PRKN: variants seen among roughly 807,000 people sequenced by gnomAD.
PRKN encodes parkin RBR E3 ubiquitin protein ligase, also known as E3 ubiquitin-protein ligase parkin.
Under a neutral mutation model 59.5 loss-of-function variants are expected in PRKN, and 56 were observed. The observed-to-expected ratio is 0.94, with a 90% confidence interval of 0.76 to 1.18. The LOEUF is 1.18. Among genes scored for constraint, PRKN ranks in the 50% most tolerant of loss-of-function variants. The pLI is 0.00. For missense variants in PRKN, 657 were observed against 596.4 expected, an observed-to-expected ratio of 1.10 and a Z score of -1.06; for synonymous variants, 250 against 222.1, an observed-to-expected ratio of 1.13 and a Z score of -1.12.
chr6:162,349,426 C>T (rs1784534867), intron 2 of PRKN, among the ~76,000 whole-genome samples: 1 of 152,114 alleles, frequency 6.6e-6, no homozygotes, highest in Admixed American at 6.5e-5. Flanking sequence ...GAGATCGCGC[C>T]ACTGCACTCC....
At chr6:162,574,113 TGGC>T (rs972444407) in intron 1 of PRKN, among the ~76,000 whole-genome samples, 1 of 152,124 alleles carries the variant, frequency 6.6e-6, no homozygotes, top group African/African-American at 2.4e-5. Flanking sequence ...ATCTCAACAG[TGGC>T]GGGGCTGCTG....
chr6:162,045,773 C>T (rs533515277), intron 5 of PRKN, among the ~76,000 whole-genome samples: 12 of 152,288 alleles, frequency 7.9e-5, no homozygotes, highest in Admixed American at 2.0e-4. Flanking sequence ...GGCTGTTTCC[C>T]GGCCGAGAAG....
chr6:161,841,071 T>C (rs1363279623), intron 6 of PRKN, among the ~76,000 whole-genome samples: 1 of 152,342 alleles, frequency 6.6e-6, no homozygotes, highest in East Asian at 1.9e-4. Flanking sequence ...TTACTGTGTG[T>C]ATACCAAAAG....
At chr6:162,198,136 G>T (rs1314024131) in intron 4 of PRKN, among the ~76,000 whole-genome samples, 1 of 152,196 alleles carries the variant, frequency 6.6e-6, no homozygotes, top group African/African-American at 2.4e-5. Context: ...ATGATATGCA[G>T]AGCAGAAAAC....
rs186017833 is a variant in PRKN, at chr6:162,704,063, G to C, written c.7+23599C>G. ...AGGAGATGCACAATTTGGACACTTA[G>C]ACAAACATTCTTGACCTGGTACCCG... is the stretch of plus-strand genomic sequence containing the variant. On this transcript the variant is annotated intron_variant, in intron 1 of 11. Coordinates refer to ENST00000366898, the MANE Select transcript of PRKN (RefSeq NM_004562.3). Among the ~76,000 whole-genome samples the C allele has an allele frequency of 2.0e-5, 3 of 152,260 alleles. No homozygotes were observed. In the East Asian group the frequency reaches 5.8e-4, roughly 29 times the overall value.
At chr6:162,473,622 A>G (rs941825306) in intron 1 of PRKN, among the ~76,000 whole-genome samples, 1 of 152,232 alleles carries the variant, frequency 6.6e-6, no homozygotes, top group African/African-American at 2.4e-5. Flanking sequence ...TCAACAAATA[A>G]TCAATATAGG....
chr6:162,687,328 G>C lies in PRKN; in HGVS notation c.7+40334C>G, dbSNP rs1292456452. On this transcript the variant is annotated intron_variant, in intron 1 of 11. Transcript: ENST00000366898. ...AGCCTCCCGAGTAGCTGGGACTACAGGTGCTCACCACCACACCCGGCTAAT... is the reference window on the plus strand; with the variant it reads ...AGCCTCCCGAGTAGCTGGGACTACACGTGCTCACCACCACACCCGGCTAAT... Among the ~76,000 whole-genome samples, 5 of 151,806 alleles carry C rather than the reference G, an allele frequency of 3.3e-5. No homozygotes were observed. The East Asian group carries it at 9.7e-4, about 29-fold the overall frequency.
chr6:162,143,772 T>C lies in PRKN; in HGVS notation c.534+57359A>G, dbSNP rs762882975. Among the ~76,000 whole-genome samples the C allele has an allele frequency of 7.9e-5, 12 of 152,150 alleles. 1 individual carries two copies. Among genetic ancestry groups the C allele is most frequent in the Non-Finnish European group, 1.3e-4 (9 of 68,034 alleles). ...GTCTGCATGGGTTTCTTAGAGGTGATGAAGCTTGAATTGAGTCTTGAAAAA... is the reference window on the plus strand; with the variant it reads ...GTCTGCATGGGTTTCTTAGAGGTGACGAAGCTTGAATTGAGTCTTGAAAAA... On this transcript the variant is annotated intron_variant, in intron 4 of 11. Coordinates refer to ENST00000366898, the MANE Select transcript of PRKN (RefSeq NM_004562.3).
intron 9 of PRKN, among the ~76,000 whole-genome samples, chr6:161,477,161 A>G (rs377130758): frequency 9.9e-5 from 15 of 152,218 alleles, no homozygotes; most frequent in African/African-American, 3.6e-4. Context: ...CTTTAAAAGT[A>G]TTAAAAACAT....
At chr6:162,436,613 C>A (rs1789784746) in intron 2 of PRKN, among the ~76,000 whole-genome samples, 2 of 139,296 alleles carry the variant, frequency 1.4e-5, no homozygotes. Context: ...CCCGATCTGG[C>A]TCATTTATTT....
At chr6:162,333,371 G>T (rs531315169) in intron 2 of PRKN, among the ~76,000 whole-genome samples, 1 of 151,904 alleles carries the variant, frequency 6.6e-6, no homozygotes. Flanking sequence ...TATGGCGACC[G>T]TGCATCAAGC....
At chr6:161,702,518 TG>T (rs1332992522) in intron 7 of PRKN, among the ~76,000 whole-genome samples, 2 of 151,718 alleles carry the variant, frequency 1.3e-5, no homozygotes, top group East Asian at 1.9e-4. Context: ...GAAAGTAGGA[TG>T]GTGACCATGA....
At chr6:161,711,169 G>GA (rs1786735833) in intron 7 of PRKN, among the ~76,000 whole-genome samples, 1 of 152,136 alleles carries the variant, frequency 6.6e-6, no homozygotes. Context: ...TGTTTGGGTT[G>GA]AAAAACATGA....
Position 161,939,373 on chromosome 6 carries a change from G to A in PRKN, c.734+33929C>T, listed in dbSNP as rs191961888. 6.3e-5 allele frequency among the ~76,000 whole-genome samples: 8 copies of A among 127,650 alleles called. No individual in the cohort carries two copies. The East Asian group carries it at 1.2e-3, about 19-fold the overall frequency. 83.7% of individuals were successfully genotyped at this position (127,650 alleles called of 152,430 possible). On this transcript the variant is annotated intron_variant, in intron 6 of 11. Coordinates refer to ENST00000366898, the MANE Select transcript of PRKN (RefSeq NM_004562.3). ...GTGGAGGTTGCAGTGAGCTGAGATCGTTCCACTGCACTCCAGGCCTGGGTG... is the reference window on the plus strand; with the variant it reads ...GTGGAGGTTGCAGTGAGCTGAGATCATTCCACTGCACTCCAGGCCTGGGTG...
intron 2 of PRKN, chr6:162,267,260 C>T (rs912036852): frequency 7.2e-5 from 11 of 152,022 alleles, no homozygotes; most frequent in African/African-American, 2.7e-4. Flanking sequence ...TTGACTCTTA[C>T]AGAAAATCTT....
chr6:161,958,373 T>C (rs1293456297), intron 6 of PRKN, among the ~76,000 whole-genome samples: 1 of 152,186 alleles, frequency 6.6e-6, no homozygotes, highest in Admixed American at 6.6e-5. Flanking sequence ...TTCCCTAACT[T>C]TTCTTTAAGA....
intron 7 of PRKN, among the ~76,000 whole-genome samples, chr6:161,632,880 A>G (rs1416141812): frequency 1.3e-5 from 2 of 152,236 alleles, no homozygotes; most frequent in Non-Finnish European, 1.5e-5. Context: ...AAACACTCCC[A>G]TGATTCAATT....
At chr6:162,674,458 G>A (rs1779458899) in intron 1 of PRKN, among the ~76,000 whole-genome samples, 1 of 152,124 alleles carries the variant, frequency 6.6e-6, no homozygotes. Flanking sequence ...CAACCAAGTA[G>A]GGAATAATGG....
At chr6:162,356,747 TA>T (rs748212596) in intron 2 of PRKN, among the ~76,000 whole-genome samples, 9,276 of 73,182 alleles carry the variant, frequency 0.13, 294 homozygotes, top group Middle Eastern at 0.17. Flanking sequence ...TGATTATTAG[TA>T]AAAAAAAAAA....
Sources: allele counts gnomAD v4.1 joint callset (sites outside exome capture counted in the v4.1 genomes callset), GRCh38; gene constraint gnomAD v4.1.1; transcripts MANE v1.5; gene names NCBI Gene and HGNC (gene_info 2026-07-23, HGNC 2026-07-21).